The following PIP5K1B variants were observed in gnomAD, a reference collection of about 807,000 sequenced individuals.
The protein encoded by PIP5K1B is phosphatidylinositol 4-phosphate 5-kinase type-1 beta.
Under a neutral mutation model 67.0 loss-of-function variants are expected in PIP5K1B, and 42 were observed. The observed-to-expected ratio is 0.63, with a 90% confidence interval of 0.49 to 0.81. PIP5K1B has a LOEUF of 0.81. PIP5K1B is among the 30% of genes least tolerant of loss of function. The probability of loss-of-function intolerance (pLI) is 0.00; values close to 1 mark genes in which losing one functional copy is unlikely to be tolerated. For synonymous variants in PIP5K1B, 214 were observed against 231.4 expected (o/e 0.92, Z 0.68); for missense variants, 459 against 646.3 (o/e 0.71, Z 3.14).
At chr9:68,715,167 C>T (rs556884035) in intron 1 of PIP5K1B, among the ~76,000 whole-genome samples, 2 of 152,182 alleles carry the variant, frequency 1.3e-5, no homozygotes, top group Non-Finnish European at 2.9e-5. Context: ...CTCTGTATTT[C>T]CTCATAACAG....
intron 1 of PIP5K1B, among the ~76,000 whole-genome samples, chr9:68,738,386 C>T (rs1214222057): frequency 6.6e-6 from 1 of 152,128 alleles, no homozygotes; most frequent in Non-Finnish European, 1.5e-5. Flanking sequence ...AAGGTTAATT[C>T]ATGTATGGTA....
At chr9:68,970,585 T>C (rs1829306813) in intron 14 of PIP5K1B, among the ~76,000 whole-genome samples, 1 of 152,256 alleles carries the variant, frequency 6.6e-6, no homozygotes, top group Non-Finnish European at 1.5e-5. Flanking sequence ...TCCCTCACTA[T>C]ATATCGTATT....
chr9:68,927,939 G>A (rs1826795912), intron 12 of PIP5K1B, among the ~76,000 whole-genome samples: 2 of 151,910 alleles, frequency 1.3e-5, no homozygotes, highest in Admixed American at 6.6e-5. Context: ...TATGATATGA[G>A]GTAGAGTCTA....
At chr9:68,800,854 C>T (rs934720204) in intron 2 of PIP5K1B, among the ~76,000 whole-genome samples, 4 of 152,342 alleles carry the variant, frequency 2.6e-5, no homozygotes, top group Middle Eastern at 6.8e-3. Context: ...GCTCCAAATT[C>T]TCCATGACTG....
chr9:69,006,934 C>T (rs1831112719), intron 15 of PIP5K1B, among the ~76,000 whole-genome samples: 1 of 152,188 alleles, frequency 6.6e-6, no homozygotes. Flanking sequence ...AGTTATCAGA[C>T]TGAGGCTGAA....
intron 5 of PIP5K1B, among the ~76,000 whole-genome samples, chr9:68,871,331 G>A (rs1197725182): frequency 1.3e-5 from 2 of 152,204 alleles, no homozygotes; most frequent in African/African-American, 4.8e-5. Flanking sequence ...CTGTTCTGAT[G>A]TGAGTCTAAT....
chr9:69,006,060 T>C (rs1004525187), intron 15 of PIP5K1B, among the ~76,000 whole-genome samples: 4 of 152,100 alleles, frequency 2.6e-5, no homozygotes, highest in Non-Finnish European at 5.9e-5. Context: ...TTTTATTTTA[T>C]TTTTTATTTT....
intron 4 of PIP5K1B, among the ~76,000 whole-genome samples, chr9:68,832,629 G>A (rs897976905): frequency 6.6e-6 from 1 of 152,212 alleles, no homozygotes; most frequent in African/African-American, 2.4e-5. Flanking sequence ...TGTGGGGGCT[G>A]TGAAATTAAG....
chr9:68,915,554 G>T (rs184888254), intron 8 of PIP5K1B, among the ~76,000 whole-genome samples: 13 of 152,274 alleles, frequency 8.5e-5, no homozygotes, highest in Admixed American at 4.6e-4. Context: ...TGGAGAACCA[G>T]CCAAAGGGTC....
chr9:68,889,770 T>C (rs1199338498), intron 7 of PIP5K1B, among the ~76,000 whole-genome samples: 3 of 150,484 alleles, frequency 2.0e-5, no homozygotes, highest in Non-Finnish European at 4.4e-5. Context: ...GAAATACTTA[T>C]CTTACATAGT....
intron 1 of PIP5K1B, chr9:68,727,475 A>G (rs991986361): frequency 6.6e-6 from 1 of 152,234 alleles, no homozygotes; most frequent in Non-Finnish European, 1.5e-5. Context: ...TGAATAATAT[A>G]AAATAAAGAA....
intron 2 of PIP5K1B, among the ~76,000 whole-genome samples, chr9:68,772,689 A>G (rs1830724208): frequency 6.6e-6 from 1 of 152,210 alleles, no homozygotes; most frequent in Admixed American, 6.5e-5. Context: ...ACCTGCTTGT[A>G]TATGAACCTT....
At chr9:68,773,975 CCA>C (rs1830787978) in intron 2 of PIP5K1B, among the ~76,000 whole-genome samples, 1 of 151,892 alleles carries the variant, frequency 6.6e-6, no homozygotes, top group Non-Finnish European at 1.5e-5. Flanking sequence ...TTCTAACAGC[CCA>C]CGCTGAGTTC....
Position 68,868,371 on chromosome 9 carries a change from A to G in PIP5K1B, c.200+4404A>G, listed in dbSNP as rs78093542. Among the ~76,000 whole-genome samples, 232 of 152,326 alleles carry G rather than the reference A, an allele frequency of 1.5e-3. 2 individuals are homozygous for G. The East Asian group carries it at 0.016, about 10-fold the overall frequency. The stretch of plus-strand genomic sequence containing the variant: ...AAGCATAGTTTTATTCATATAGTAA[A>G]TTGACTTATATAACATATATTAATT... On this transcript the variant is annotated intron_variant, in intron 5 of 15. Transcript: ENST00000265382.
intron 4 of PIP5K1B, among the ~76,000 whole-genome samples, chr9:68,862,716 C>T (rs548604389): frequency 2.0e-3 from 305 of 151,874 alleles, no homozygotes; most frequent in African/African-American, 7.0e-3. Context: ...TGCTTGAACC[C>T]GGGAGGCAGA....
At chr9:68,919,852 T>C (rs1273457688) in intron 11 of PIP5K1B, 123 bp downstream of exon 11, 7 of 570,590 alleles carry the variant, frequency 1.2e-5, no homozygotes, top group Non-Finnish European at 1.9e-5. Flanking sequence ...CTTTATAAAC[T>C]CAGAATCTTA....
chr9:68,846,842 A>G (rs746107516), intron 4 of PIP5K1B, among the ~76,000 whole-genome samples: 1 of 152,250 alleles, frequency 6.6e-6, no homozygotes, highest in Non-Finnish European at 1.5e-5. Flanking sequence ...AAGAGGAGGA[A>G]GAATTAAACT....
intron 2 of PIP5K1B, among the ~76,000 whole-genome samples, chr9:68,811,873 T>A (rs1587488707): frequency 6.6e-6 from 1 of 152,218 alleles, no homozygotes; most frequent in East Asian, 1.9e-4. Flanking sequence ...GTAGCTTAGA[T>A]GATCCCAAGC....
At chr9:68,865,905 G>A (rs974543109) in intron 5 of PIP5K1B, among the ~76,000 whole-genome samples, 1 of 152,164 alleles carries the variant, frequency 6.6e-6, no homozygotes, top group African/African-American at 2.4e-5. Flanking sequence ...AATCTTTCTG[G>A]TAGATAACAA....
Sources: gnomAD v4.1 joint callset for allele counts (sites outside exome capture counted in the v4.1 genomes callset) on GRCh38, gnomAD v4.1.1 for gene constraint, MANE v1.5 for transcripts, NCBI Gene and HGNC (gene_info 2026-07-23, HGNC 2026-07-21) for gene names.